Variants in HDAC9 observed in about 807,000 individuals in gnomAD.
HDAC9 encodes the protein MEF-2 interacting transcription repressor (MITR) protein.
In HDAC9, 41 loss-of-function variants were observed where a neutral mutation model predicts 139.4. The ratio of observed to expected loss-of-function variants is 0.29; its 90% CI spans 0.23 to 0.38. The LOEUF is 0.38. Among genes scored for constraint, HDAC9 ranks in the 10% least tolerant of loss-of-function variants. The probability of loss-of-function intolerance (pLI) is 1.00; values close to 1 mark genes in which losing one functional copy is unlikely to be tolerated. For missense variants in HDAC9, 1,147 were observed against 1,297.0 expected, an observed-to-expected ratio of 0.88 and a Z score of 1.78; for synonymous variants, 517 against 476.2, an observed-to-expected ratio of 1.09 and a Z score of -1.12.
chr7:18,781,276 C>G (rs925028305), intron 16 of HDAC9, among the ~76,000 whole-genome samples: 2 of 152,006 alleles, frequency 1.3e-5, no homozygotes, highest in Admixed American at 6.6e-5. Context: ...TCTGAGGAAA[C>G]ACAATTCAGT....
At chr7:18,153,029 T>C (rs891410519) in intron 1 of HDAC9, among the ~76,000 whole-genome samples, 1 of 152,182 alleles carries the variant, frequency 6.6e-6, no homozygotes, top group African/African-American at 2.4e-5. Context: ...GTTGTAGGTA[T>C]AAAGTAGGGT....
intron 2 of HDAC9, among the ~76,000 whole-genome samples, chr7:18,237,014 C>A (rs922173302): frequency 2.0e-5 from 3 of 152,212 alleles, no homozygotes; most frequent in African/African-American, 4.8e-5. Flanking sequence ...TAGTTCTGGG[C>A]AAGCCAGTAG....
chr7:18,541,595 G>C (rs1037210689), intron 2 of HDAC9, among the ~76,000 whole-genome samples: 2 of 151,948 alleles, frequency 1.3e-5, no homozygotes, highest in African/African-American at 4.8e-5. Context: ...CAAGCATTGT[G>C]GTGACAAACA....
At chr7:18,663,249 G>C (rs1439494324) in intron 11 of HDAC9, among the ~76,000 whole-genome samples, 1 of 152,082 alleles carries the variant, frequency 6.6e-6, no homozygotes, top group Non-Finnish European at 1.5e-5. Context: ...TGGGGAATGA[G>C]GTCAAGTGGA....
intron 2 of HDAC9, among the ~76,000 whole-genome samples, chr7:18,266,067 A>G (rs1045439583): frequency 1.3e-5 from 2 of 152,154 alleles, no homozygotes; most frequent in Non-Finnish European, 2.9e-5. Context: ...CTTTTTAACC[A>G]TGCTTGATAT....
intron 1 of HDAC9, among the ~76,000 whole-genome samples, chr7:18,138,048 T>C (rs1047944950): frequency 2.0e-5 from 3 of 152,196 alleles, no homozygotes; most frequent in Non-Finnish European, 4.4e-5. Flanking sequence ...GTGTATGTGT[T>C]GAGGAAGTTA....
intron 1 of HDAC9, among the ~76,000 whole-genome samples, chr7:18,372,320 G>A (rs1384556491): frequency 6.6e-6 from 1 of 152,104 alleles, no homozygotes; most frequent in Non-Finnish European, 1.5e-5. Context: ...GTCTACCAAG[G>A]GCTTCTCAAA....
intron 1 of HDAC9, among the ~76,000 whole-genome samples, chr7:18,392,245 A>G (rs1786556602): frequency 6.6e-6 from 1 of 151,528 alleles, no homozygotes; most frequent in Admixed American, 6.6e-5. Context: ...ACATGATTAT[A>G]CATTCTCTTT....
intron 11 of HDAC9, among the ~76,000 whole-genome samples, chr7:18,655,862 G>A (rs1023554298): frequency 6.6e-6 from 1 of 152,108 alleles, no homozygotes; most frequent in South Asian, 2.1e-4. Context: ...ATTAAACCAC[G>A]TGAATTGTTT....
chr7:18,221,462 G>A (rs578194637), intron 2 of HDAC9, among the ~76,000 whole-genome samples: 2 of 152,260 alleles, frequency 1.3e-5, no homozygotes, highest in Admixed American at 6.5e-5. Flanking sequence ...AAAGGGAGTA[G>A]CATTTATGAA....
At chr7:18,298,082 C>T (rs1798266509) in intron 1 of HDAC9, among the ~76,000 whole-genome samples, 1 of 152,092 alleles carries the variant, frequency 6.6e-6, no homozygotes, top group African/African-American at 2.4e-5. Flanking sequence ...TATGATTGGC[C>T]TAATATATTC....
chr7:18,952,281 G>A (rs10282136), intron 23 of HDAC9, among the ~76,000 whole-genome samples: 52,164 of 151,662 alleles, frequency 0.34, 10,208 homozygotes, highest in Non-Finnish European at 0.45. Context: ...TCTGAATCAC[G>A]TATGCTTTCT....
At chr7:18,874,077 A>G (rs1799133451) in intron 21 of HDAC9, among the ~76,000 whole-genome samples, 1 of 151,850 alleles carries the variant, frequency 6.6e-6, no homozygotes, top group Admixed American at 6.6e-5. Flanking sequence ...CCAAGTTCTC[A>G]CTAACTGGAG....
At chr7:18,136,154 GT>G (rs1219876484) in intron 1 of HDAC9, among the ~76,000 whole-genome samples, 22 of 149,360 alleles carry the variant, frequency 1.5e-4, no homozygotes, top group African/African-American at 5.5e-4. Context: ...GGGGTTGTTT[GT>G]TTTTTTCTTG....
intron 11 of HDAC9, among the ~76,000 whole-genome samples, chr7:18,663,551 C>T (rs1300185824): frequency 6.6e-6 from 1 of 151,992 alleles, no homozygotes; most frequent in African/African-American, 2.4e-5. Flanking sequence ...GTTCCTATTC[C>T]ATGACCACAC....
chr7:18,194,429 A>C (rs1790590127), intron 2 of HDAC9, among the ~76,000 whole-genome samples: 1 of 152,108 alleles, frequency 6.6e-6, no homozygotes. Context: ...TTGAGTGTGC[A>C]CTTTAGTGGC....
intron 23 of HDAC9, chr7:18,949,385 C>A: frequency 3.8e-6 from 1 of 259,974 alleles, no homozygotes; most frequent in Non-Finnish European, 7.5e-6. Context: ...TCTTCATCTT[C>A]TCACTGTGCA....
chr7:18,476,395 A>G (rs1220467948), intron 1 of HDAC9, among the ~76,000 whole-genome samples: 1 of 152,052 alleles, frequency 6.6e-6, no homozygotes, highest in African/African-American at 2.4e-5. Context: ...CCAGATTATA[A>G]TTAGATGTAT....
chr7:18,731,933 A>C (rs1786092531), intron 13 of HDAC9, among the ~76,000 whole-genome samples: 1 of 152,082 alleles, frequency 6.6e-6, no homozygotes, highest in Admixed American at 6.6e-5. Flanking sequence ...GCCTTAAAAA[A>C]ATGATATTCT....
Sources: allele counts gnomAD v4.1 joint callset (sites outside exome capture counted in the v4.1 genomes callset), GRCh38; gene constraint gnomAD v4.1.1; transcripts MANE v1.5; gene names NCBI Gene and HGNC (gene_info 2026-07-23, HGNC 2026-07-21).